The following LRMDA variants were observed in gnomAD, a reference collection of about 807,000 sequenced individuals.
LRMDA encodes leucine-rich melanocyte differentiation-associated protein.
A neutral mutation model predicts 29.8 loss-of-function variants in LRMDA; 18 were observed. That is an observed-to-expected ratio of 0.60 (90% CI 0.42 to 0.90). The LOEUF is 0.90. Among genes scored for constraint, LRMDA ranks in the 40% least tolerant of loss-of-function variants. The probability of loss-of-function intolerance (pLI) is 0.00; values close to 1 mark genes in which losing one functional copy is unlikely to be tolerated. For synonymous variants in LRMDA, 125 were observed against 109.4 expected, an observed-to-expected ratio of 1.14 and a Z score of -0.89; for missense variants, 273 against 273.9, an observed-to-expected ratio of 1.00 and a Z score of 0.02.
intron 6 of LRMDA, among the ~76,000 whole-genome samples, chr10:76,330,876 A>G (rs1254480054): frequency 6.6e-6 from 1 of 152,264 alleles, no homozygotes; most frequent in Non-Finnish European, 1.5e-5. Flanking sequence ...ACAGAAAACA[A>G]TAGCAAAGAC....
intron 2 of LRMDA, among the ~76,000 whole-genome samples, chr10:75,843,524 T>C (rs1461704920): frequency 6.6e-6 from 1 of 152,200 alleles, no homozygotes; most frequent in Admixed American, 6.5e-5. Context: ...TCTTGCCAAA[T>C]TCCTTCAGCC....
intron 6 of LRMDA, among the ~76,000 whole-genome samples, chr10:76,460,911 T>C (rs564633284): frequency 1.3e-5 from 2 of 152,318 alleles, no homozygotes; most frequent in Non-Finnish European, 2.9e-5. Flanking sequence ...TATTCATAGA[T>C]AAAAACTGCA....
intron 5 of LRMDA, among the ~76,000 whole-genome samples, chr10:76,234,825 T>G (rs1436623018): frequency 6.6e-6 from 1 of 152,236 alleles, no homozygotes; most frequent in Non-Finnish European, 1.5e-5. Context: ...GGATTAGGCT[T>G]TGGCTTAAGG....
chr10:76,316,120 C>T (rs933399639), intron 5 of LRMDA, among the ~76,000 whole-genome samples: 13 of 152,208 alleles, frequency 8.5e-5, no homozygotes, highest in African/African-American at 2.9e-4. Flanking sequence ...GCCTCTCCGC[C>T]TAACACGTTG....
At chr10:76,539,616 T>G (rs1254292202) in intron 6 of LRMDA, among the ~76,000 whole-genome samples, 1 of 152,134 alleles carries the variant, frequency 6.6e-6, no homozygotes, top group South Asian at 2.1e-4. Flanking sequence ...TTAGAGCACT[T>G]TGCAGCTGGG....
chr10:75,705,156 C>T (rs1842351513), intron 2 of LRMDA, among the ~76,000 whole-genome samples: 1 of 152,164 alleles, frequency 6.6e-6, no homozygotes, highest in Non-Finnish European at 1.5e-5. Context: ...TTTCTCTTTT[C>T]CTTGCTTTCA....
chr10:76,171,399 A>C (rs574186071), intron 5 of LRMDA, among the ~76,000 whole-genome samples: 1 of 152,292 alleles, frequency 6.6e-6, no homozygotes, highest in Non-Finnish European at 1.5e-5. Context: ...TTGGCCTCCC[A>C]AAGTGCTGGG....
At chr10:76,416,645 A>G (rs1842017952) in intron 6 of LRMDA, among the ~76,000 whole-genome samples, 2 of 152,236 alleles carry the variant, frequency 1.3e-5, no homozygotes, top group Non-Finnish European at 2.9e-5. Context: ...CAATTTTGAC[A>G]TGTAACTTCT....
chr10:75,469,155 C>A (rs192850563), intron 2 of LRMDA, among the ~76,000 whole-genome samples: 1 of 151,844 alleles, frequency 6.6e-6, no homozygotes, highest in African/African-American at 2.4e-5. Context: ...GCTCTCTTGG[C>A]TTTTTAGAAA....
At chr10:75,963,265 A>G (rs1846799443) in intron 2 of LRMDA, among the ~76,000 whole-genome samples, 1 of 152,206 alleles carries the variant, frequency 6.6e-6, no homozygotes, top group Admixed American at 6.5e-5. Context: ...ACACTGGCCA[A>G]TCAGTTTTCT....
intron 6 of LRMDA, among the ~76,000 whole-genome samples, chr10:76,408,572 A>C (rs1309319506): frequency 6.6e-6 from 1 of 152,222 alleles, no homozygotes; most frequent in African/African-American, 2.4e-5. Context: ...GAGATTGCTC[A>C]TTTATATTGA....
At chr10:76,436,349 G>A (rs1043171993) in intron 6 of LRMDA, among the ~76,000 whole-genome samples, 3 of 152,228 alleles carry the variant, frequency 2.0e-5, no homozygotes, top group Admixed American at 6.5e-5. Flanking sequence ...TGGTGAAAGG[G>A]TGGAAAATGA....
intron 5 of LRMDA, among the ~76,000 whole-genome samples, chr10:76,062,020 A>G (rs1259686635): frequency 6.6e-6 from 1 of 152,078 alleles, no homozygotes; most frequent in Non-Finnish European, 1.5e-5. Context: ...AGGTGTGTAT[A>G]CCCGCTTCCG....
chr10:75,610,855 A>G (rs1426711413), intron 2 of LRMDA, among the ~76,000 whole-genome samples: 1 of 152,166 alleles, frequency 6.6e-6, no homozygotes, highest in Non-Finnish European at 1.5e-5. Flanking sequence ...CTTTGGCCCA[A>G]CGTAGGCTAA....
At chr10:76,466,494 T>C (rs1481486696) in intron 6 of LRMDA, among the ~76,000 whole-genome samples, 1 of 152,092 alleles carries the variant, frequency 6.6e-6, no homozygotes, top group Non-Finnish European at 1.5e-5. Context: ...TAAGACACAA[T>C]AACTTTAATA....
chr10:76,004,370 C>CA (rs913636611), intron 2 of LRMDA, among the ~76,000 whole-genome samples: 1 of 152,222 alleles, frequency 6.6e-6, no homozygotes, highest in African/African-American at 2.4e-5. Flanking sequence ...AGAGTGAGAG[C>CA]AGACTGCTTG....
At chr10:76,524,309 A>G (rs970521233) in intron 6 of LRMDA, among the ~76,000 whole-genome samples, 2 of 152,214 alleles carry the variant, frequency 1.3e-5, no homozygotes, top group African/African-American at 2.4e-5. Context: ...GGAGAAAAAA[A>G]GCACAACGGA....
intron 6 of LRMDA, among the ~76,000 whole-genome samples, chr10:76,432,663 A>T (rs977632757): frequency 1.3e-5 from 2 of 152,254 alleles, no homozygotes; most frequent in Admixed American, 6.5e-5. Context: ...TAACAACAGA[A>T]GGTTCAAGCA....
chr10:75,773,362 A>G (rs1021719218), intron 2 of LRMDA, among the ~76,000 whole-genome samples: 1 of 152,132 alleles, frequency 6.6e-6, no homozygotes, highest in African/African-American at 2.4e-5. Flanking sequence ...GAGCAATTTG[A>G]TGGGTTCTTA....
Sources: allele counts gnomAD v4.1 joint callset (sites outside exome capture counted in the v4.1 genomes callset), GRCh38; gene constraint gnomAD v4.1.1; transcripts MANE v1.5; gene names NCBI Gene and HGNC (gene_info 2026-07-23, HGNC 2026-07-21).